CD200R1L: variants seen among roughly 807,000 people sequenced by gnomAD.
CD200R1L encodes cell surface glycoprotein CD200 receptor 2.
A neutral mutation model predicts 24.8 loss-of-function variants in CD200R1L; 14 were observed. That is an observed-to-expected ratio of 0.56 (90% confidence interval 0.37 to 0.88). The LOEUF (loss-of-function observed/expected upper bound fraction) is 0.88, where lower values mean the gene tolerates loss of function less well. CD200R1L is among the 40% of genes least tolerant of loss of function. The pLI, the probability that CD200R1L is intolerant of heterozygous loss-of-function variation, is 0.00. For synonymous variants in CD200R1L, 111 were observed against 109.2 expected, an observed-to-expected ratio of 1.02 and a Z score of -0.11; for missense variants, 299 against 297.8, an observed-to-expected ratio of 1.00 and a Z score of -0.03.
At chr3:112,836,384 G>A (rs765664040) in intron 3 of CD200R1L, among the ~76,000 whole-genome samples, 2 of 152,214 alleles carry the variant, frequency 1.3e-5, no homozygotes, top group Non-Finnish European at 2.9e-5. Context: ...CAGACAGCCC[G>A]CCACTGCATC....
chr3:112,822,878 C>T (rs1938569618), intron 6 of CD200R1L, among the ~76,000 whole-genome samples: 1 of 152,130 alleles, frequency 6.6e-6, no homozygotes, highest in South Asian at 2.1e-4. Context: ...TTGTAAACTG[C>T]TGTAAATGAT....
chr3:112,820,883 C>T lies in CD200R1L; in HGVS notation c.617-988G>A, dbSNP rs534021309. ...GACCAGCCTGACCAACATGGTGAAA[C>T]CATGTTTCTACTAAAATACAAAAAT... On this transcript the variant is annotated intron_variant, in intron 6 of 7. Coordinates refer to ENST00000488794, the MANE Select transcript of CD200R1L (RefSeq NM_001199215.3). 1.1e-4 allele frequency among the ~76,000 whole-genome samples: 16 copies of T among 151,422 alleles called. No individual in the cohort carries two copies. The East Asian group carries it at 2.7e-3, about 26-fold the overall frequency.
At chr3:112,819,988 T>C (rs1451076481) in intron 6 of CD200R1L, 93 bp from the exon 7 acceptor site, 1 of 1,217,640 alleles carries the variant, frequency 8.2e-7, no homozygotes, top group South Asian at 1.7e-5. Context: ...TAAAATATTC[T>C]TAAGAGTTCA....
At chr3:112,832,137 T>G (rs1938817574) in intron 3 of CD200R1L, among the ~76,000 whole-genome samples, 1 of 152,220 alleles carries the variant, frequency 6.6e-6, no homozygotes, top group Non-Finnish European at 1.5e-5. Context: ...ACCATGTGTT[T>G]AGGTAACCAT....
At position 112,826,022 on chromosome 3, in the gene CD200R1L, C is replaced by G. The variant is rs185402952; in HGVS notation, c.616+971G>C. Among the ~76,000 whole-genome samples the G allele has an allele frequency of 2.6e-5, 4 of 152,154 alleles. No homozygotes were observed. The East Asian group carries it at 7.7e-4, about 29-fold the overall frequency. On this transcript the variant is annotated intron_variant, in intron 6 of 7. Coordinates refer to ENST00000488794, the MANE Select transcript of CD200R1L (RefSeq NM_001199215.3). ...CTAAAATTGATTGTAGCAATGGTCA[C>G]ACAAGCATTGAATTGCATGCTTTAA... is the stretch of plus-strand genomic sequence containing the variant.
chr3:112,816,027 G>A, intron 7 of CD200R1L, 52 bp from the exon 8 acceptor site: 1 of 775,812 alleles, frequency 1.3e-6, no homozygotes, highest in East Asian at 2.4e-5. Flanking sequence ...CAGAGCTTAT[G>A]CAAGTGGGCA....
At chr3:112,837,046 AT>A (rs1268517460) in intron 3 of CD200R1L, among the ~76,000 whole-genome samples, 1 of 152,124 alleles carries the variant, frequency 6.6e-6, no homozygotes, top group Non-Finnish European at 1.5e-5. Context: ...GTAATTCTCA[AT>A]TTCTTCTATG....
rs541751891 is a variant in CD200R1L at position 112,819,790 on chromosome 3, T to C, written c.722A>G (p.Gln241Arg). 5.0e-6 allele frequency: 8 copies of C among 1,607,788 alleles called. No homozygotes were observed. The highest frequency in any genetic ancestry group is 1.7e-4 in the Middle Eastern group (1 of 6,036). ...TTCCTACCTGACATGATTTATCCTC[T>C]GGAAGAAAACAAATCCTGTGGTGAC... ...ILVTTGFVFF[Q>R]RINHVRKVL is the part of the protein sequence containing the mutation. The change falls in exon 7 of 8, where the codon CAG becomes CGG. Residue 241 changes from glutamine to arginine, a missense_variant. Transcript: ENST00000488794.
At chr3:112,834,739 G>C (rs1938891920) in intron 3 of CD200R1L, among the ~76,000 whole-genome samples, 1 of 152,216 alleles carries the variant, frequency 6.6e-6, no homozygotes, top group Non-Finnish European at 1.5e-5. Flanking sequence ...GACGAGCCAG[G>C]CACAGACCAA....
chr3:112,823,626 G>A (rs975787543), intron 6 of CD200R1L, among the ~76,000 whole-genome samples: 1 of 152,200 alleles, frequency 6.6e-6, no homozygotes, highest in South Asian at 2.1e-4. Context: ...GGGCTGTGGA[G>A]GTGCTATGAC....
At chr3:112,838,486 AAAC>A (rs1446388658) in intron 2 of CD200R1L, among the ~76,000 whole-genome samples, 4 of 64,216 alleles carry the variant, frequency 6.2e-5, no homozygotes, top group African/African-American at 1.6e-4. Flanking sequence ...ACAAACAAAC[AAAC>A]AAAAAAAAAC....
At chr3:112,821,524 C>G (rs1217310910) in intron 6 of CD200R1L, among the ~76,000 whole-genome samples, 1 of 152,200 alleles carries the variant, frequency 6.6e-6, no homozygotes, top group Non-Finnish European at 1.5e-5. Context: ...TTTTCTCTTG[C>G]AACTTGTGAA....
Position 112,827,573 on chromosome 3 carries a change from G to T in CD200R1L, c.161C>A (p.Pro54His), listed in dbSNP as rs773105699. 4.3e-6 allele frequency: 7 copies of T among 1,613,924 alleles called. No individual in the cohort carries two copies. In the African/African-American group the frequency reaches 9.3e-5, roughly 22 times the overall value. Residue 54 changes from proline to histidine, a missense_variant, in exon 5 of 8, where the codon CCT becomes CAT. Pro to His is a moderately conservative substitution (Grantham distance 77, BLOSUM62 -2). Coordinates refer to ENST00000488794, the MANE Select transcript of CD200R1L (RefSeq NM_001199215.3). ...ITWEIILRGQ[P>H]SCTKAYKKET... The stretch of plus-strand genomic sequence containing the variant: ...TTTCTTGTAGGCTTTTGTGCAGGAA[G>T]GCTGGCCTCTCAGGATTATTTCCCA...
At position 112,834,160 on chromosome 3, in the gene CD200R1L, G is replaced by T. The variant is rs191932775; in HGVS notation, c.-18+3782C>A. ...CCTTTAGGAGGGTGCTGTGTCCCTAGCTCCCCAGTTCATAGAATAAACTGG... is the reference window on the plus strand; with the variant it reads ...CCTTTAGGAGGGTGCTGTGTCCCTATCTCCCCAGTTCATAGAATAAACTGG... On this transcript the variant is annotated intron_variant, in intron 3 of 7. Coordinates refer to ENST00000488794, the MANE Select transcript of CD200R1L (RefSeq NM_001199215.3). Among the ~76,000 whole-genome samples, 3 of 151,786 alleles carry T rather than the reference G, an allele frequency of 2.0e-5. No homozygotes were observed. In the East Asian group the frequency reaches 5.8e-4, roughly 29 times the overall value.
At chr3:112,833,483 G>C (rs1345029175) in intron 3 of CD200R1L, among the ~76,000 whole-genome samples, 1 of 152,016 alleles carries the variant, frequency 6.6e-6, no homozygotes, top group Non-Finnish European at 1.5e-5. Flanking sequence ...CCCTGGTGAA[G>C]ACTGAGCATC....
chr3:112,843,221 G>T (rs934174775), intron 2 of CD200R1L, among the ~76,000 whole-genome samples: 2 of 152,090 alleles, frequency 1.3e-5, no homozygotes, highest in African/African-American at 4.8e-5. Flanking sequence ...TCAGACAACT[G>T]CAAGATACTA....
chr3:112,834,305 T>C (rs1938880614), intron 3 of CD200R1L, among the ~76,000 whole-genome samples: 2 of 147,046 alleles, frequency 1.4e-5, no homozygotes, highest in Admixed American at 1.4e-4. Flanking sequence ...TGGCATGACC[T>C]CGGCTCACTG....
intron 2 of CD200R1L, among the ~76,000 whole-genome samples, chr3:112,842,573 G>T (rs1395859492): frequency 6.6e-6 from 1 of 152,034 alleles, no homozygotes; most frequent in East Asian, 1.9e-4. Context: ...CTGCGGGGTC[G>T]GGCAAAAAGA....
chr3:112,837,137 G>A (rs1484530550), intron 3 of CD200R1L, among the ~76,000 whole-genome samples: 1 of 151,930 alleles, frequency 6.6e-6, no homozygotes, highest in Non-Finnish European at 1.5e-5. Flanking sequence ...TTATTTCATG[G>A]AAGTTTTCTA....
Sources: gnomAD v4.1 joint callset for allele counts (sites outside exome capture counted in the v4.1 genomes callset) on GRCh38, gnomAD v4.1.1 for gene constraint, MANE v1.5 for transcripts, NCBI Gene and HGNC (gene_info 2026-07-23, HGNC 2026-07-21) for gene names.